The following ZFAND6 variants were observed in gnomAD, a reference collection of about 807,000 sequenced individuals.
ZFAND6 encodes zinc finger AN1-type containing 6.
Under a neutral mutation model 24.5 loss-of-function variants are expected in ZFAND6, and 12 were observed. The observed-to-expected ratio is 0.49, with a 90% CI of 0.31 to 0.79. The LOEUF is 0.79. ZFAND6 is among the 30% of genes least tolerant of loss of function. ZFAND6 has a pLI of 0.04. For missense variants in ZFAND6, 207 were observed against 245.9 expected, an observed-to-expected ratio of 0.84 and a Z score of 1.06; for synonymous variants, 92 against 81.5, an observed-to-expected ratio of 1.13 and a Z score of -0.69.
intron 2 of ZFAND6, among the ~76,000 whole-genome samples, chr15:80,110,211 T>A (rs533322986): frequency 6.6e-6 from 1 of 152,076 alleles, no homozygotes; most frequent in Admixed American, 6.5e-5. Flanking sequence ...ACTGATAAAA[T>A]GTGGGAAGGA....
At chr15:80,069,212 A>T (rs993713063) in intron 1 of ZFAND6, among the ~76,000 whole-genome samples, 2 of 152,154 alleles carry the variant, frequency 1.3e-5, no homozygotes, top group African/African-American at 4.8e-5. Flanking sequence ...TTCTTAGATG[A>T]TCTATGATAT....
chr15:80,126,637 C>G (rs901975646), intron 5 of ZFAND6, among the ~76,000 whole-genome samples: 9 of 152,108 alleles, frequency 5.9e-5, no homozygotes, highest in African/African-American at 2.2e-4. Context: ...TGCAAAAATT[C>G]ACCCGAAATA....
chr15:80,107,345 A>AATGACAACTATTAGGTAGTCATTACC (rs2039385652), intron 2 of ZFAND6, among the ~76,000 whole-genome samples: 2 of 151,996 alleles, frequency 1.3e-5, no homozygotes, highest in African/African-American at 4.8e-5. Flanking sequence ...TAGTCATTAC[A>AATGACAACTATTAGGTAGTCATTACC]TAATGACATC....
chr15:80,110,046 C>T (rs550824713), intron 2 of ZFAND6, among the ~76,000 whole-genome samples: 109 of 152,286 alleles, frequency 7.2e-4, no homozygotes, highest in African/African-American at 2.4e-3. Context: ...CTCAGCTACT[C>T]GTCACATGAG....
intron 2 of ZFAND6, among the ~76,000 whole-genome samples, chr15:80,112,441 A>G (rs1292087499): frequency 6.6e-6 from 1 of 151,726 alleles, no homozygotes; most frequent in Non-Finnish European, 1.5e-5. Flanking sequence ...TCTGTTGCCC[A>G]GGCTGGATTG....
At chr15:80,107,150 G>A (rs1013489257) in intron 2 of ZFAND6, among the ~76,000 whole-genome samples, 1 of 152,230 alleles carries the variant, frequency 6.6e-6, no homozygotes, top group Non-Finnish European at 1.5e-5. Context: ...AGGAGGCAAA[G>A]GTTGCAGGGA....
intron 1 of ZFAND6, among the ~76,000 whole-genome samples, chr15:80,061,808 C>T (rs572809121): frequency 6.6e-6 from 1 of 152,070 alleles, no homozygotes; most frequent in Non-Finnish European, 1.5e-5. Context: ...AGAGTAAATA[C>T]TTAATGTGGA....
At chr15:80,067,276 A>G (rs2036700436) in intron 1 of ZFAND6, among the ~76,000 whole-genome samples, 1 of 152,126 alleles carries the variant, frequency 6.6e-6, no homozygotes, top group Admixed American at 6.5e-5. Context: ...TCTCCTACAA[A>G]TAGCATATAT....
intron 5 of ZFAND6, among the ~76,000 whole-genome samples, chr15:80,125,211 G>C (rs1441213895): frequency 6.6e-6 from 1 of 152,140 alleles, no homozygotes; most frequent in African/African-American, 2.4e-5. Flanking sequence ...TGTTGGACTA[G>C]GATGTGGATA....
intron 5 of ZFAND6, among the ~76,000 whole-genome samples, chr15:80,128,954 A>C (rs2040482518): frequency 6.6e-6 from 1 of 152,218 alleles, no homozygotes. Context: ...TTTTGTTAAA[A>C]ACTATAATCT....
At chr15:80,127,290 A>C (rs534516308) in intron 5 of ZFAND6, among the ~76,000 whole-genome samples, 1 of 152,064 alleles carries the variant, frequency 6.6e-6, no homozygotes, top group Non-Finnish European at 1.5e-5. Flanking sequence ...TAAACACATG[A>C]AAAGATGCTC....
At chr15:80,085,863 A>G (rs1425784956) in intron 1 of ZFAND6, among the ~76,000 whole-genome samples, 1 of 152,086 alleles carries the variant, frequency 6.6e-6, no homozygotes, top group East Asian at 1.9e-4. Flanking sequence ...TGTTTATAAT[A>G]CTGTATTTTT....
At position 80,062,795 on chromosome 15, in the gene ZFAND6, A is replaced by G. The variant is rs565213959; in HGVS notation, c.-181+2986A>G. Among the ~76,000 whole-genome samples, 26 of 152,356 alleles carry G rather than the reference A, an allele frequency of 1.7e-4. No individual in the cohort carries two copies. In the South Asian group the frequency reaches 4.8e-3, roughly 28 times the overall value. Reference sequence around the variant, plus strand: ...ACTAAGAAAAGCCACCTATAACACCATGATAGATAACTATTATTAACATTT... The same window carrying G: ...ACTAAGAAAAGCCACCTATAACACCGTGATAGATAACTATTATTAACATTT... On this transcript the variant is annotated intron_variant, in intron 1 of 6. Transcript: ENST00000261749.
intron 2 of ZFAND6, among the ~76,000 whole-genome samples, chr15:80,111,170 AT>A (rs1441123866): frequency 1.3e-5 from 2 of 152,352 alleles, no homozygotes; most frequent in East Asian, 1.9e-4. Context: ...TGTTACTATC[AT>A]TTATCACATC....
upstream of ZFAND6, chr15:80,059,469 C>T (rs2036204967): frequency 6.6e-6 from 1 of 152,236 alleles, no homozygotes; most frequent in Non-Finnish European, 1.5e-5. Context: ...TTTCGCTCCG[C>T]CCCGCCTCTT....
At chr15:80,095,141 C>G (rs1007677711) in intron 1 of ZFAND6, among the ~76,000 whole-genome samples, 1 of 152,162 alleles carries the variant, frequency 6.6e-6, no homozygotes, top group Non-Finnish European at 1.5e-5. Flanking sequence ...TGCCACATCT[C>G]TTTATTCTCC....
chr15:80,125,477 A>G (rs989594281), intron 5 of ZFAND6, among the ~76,000 whole-genome samples: 3 of 152,224 alleles, frequency 2.0e-5, no homozygotes, highest in African/African-American at 7.2e-5. Context: ...TCTGCTTATA[A>G]TTAGGATATG....
Position 80,093,125 on chromosome 15 carries a change from T to TTG in ZFAND6, c.-180-5275_-180-5274dup, listed in dbSNP as rs558365973. On this transcript the variant is annotated intron_variant, in intron 1 of 6. Transcript: ENST00000261749. ...GTGCGCTACCATGCCCAGCTAATTT[T>TTG]TGTGTGTGTGTGTGTGTTTTTAGTA... 3.1e-3 allele frequency among the ~76,000 whole-genome samples: 470 copies of TTG among 151,046 alleles called. 1 individual carries two copies. The highest frequency in any genetic ancestry group is 0.017 in the East Asian group (85 of 5,060).
intron 1 of ZFAND6, among the ~76,000 whole-genome samples, chr15:80,069,833 T>C (rs950482559): frequency 6.6e-6 from 1 of 152,196 alleles, no homozygotes; most frequent in Admixed American, 6.5e-5. Flanking sequence ...GGTCTTGAAC[T>C]CCTGACCTTG....
Sources: allele counts gnomAD v4.1 joint callset (sites outside exome capture counted in the v4.1 genomes callset), GRCh38; gene constraint gnomAD v4.1.1; transcripts MANE v1.5; gene names NCBI Gene and HGNC (gene_info 2026-07-23, HGNC 2026-07-21).